Variants in SUGP2 observed in about 807,000 individuals in gnomAD.
SUGP2 encodes SURP and G-patch domain containing 2.
SUGP2 carries 24 observed loss-of-function variants against 90.5 expected under a neutral mutation model. The observed-to-expected ratio is 0.27, with a 90% CI of 0.19 to 0.37. SUGP2 has a LOEUF of 0.37. Ranked by LOEUF, SUGP2 falls within the 10% of genes least tolerant of loss-of-function variation. The pLI is 1.00. For synonymous variants in SUGP2, 473 were observed against 513.4 expected (o/e 0.92, Z 1.06); for missense variants, 1,233 against 1,363.3 (o/e 0.90, Z 1.51).
Position 19,002,647 on chromosome 19 carries a change from G to A in SUGP2, c.2930-973C>T, listed in dbSNP as rs547752108. On this transcript the variant is annotated intron_variant, in intron 7 of 10. Transcript: ENST00000452918. ...TCCAGCCTCAGCCTCCCGAGTAGCT[G>A]GGATTTCAGGAATGCGTCACCACGC... Among the ~76,000 whole-genome samples, 13 of 151,344 alleles carry A rather than the reference G, an allele frequency of 8.6e-5. No individual in the cohort carries two copies. In the East Asian group the frequency reaches 2.0e-3, roughly 23 times the overall value.
upstream of SUGP2, chr19:19,033,587 G>A: frequency 8.4e-7 from 1 of 1,191,406 alleles, no homozygotes; most frequent in Non-Finnish European, 1.0e-6. Flanking sequence ...GTCCTGGTGC[G>A]CAGGCGCGGG....
chr19:19,011,288 C>T lies in SUGP2; in HGVS notation c.1851-946G>A, dbSNP rs2058302984. Among the ~76,000 whole-genome samples the T allele has an allele frequency of 2.6e-5, 4 of 151,764 alleles. No individual in the cohort carries two copies. In the South Asian group the frequency reaches 8.3e-4, roughly 32 times the overall value. On this transcript the variant is annotated intron_variant, in intron 4 of 10. Coordinates refer to ENST00000452918, the MANE Select transcript of SUGP2 (RefSeq NM_001017392.5). ...TCAGCCTCCCCAGTAGCTGGGACTACAGGCGCGCACCACCACGCCTGGCTA... is the reference window on the plus strand; with the variant it reads ...TCAGCCTCCCCAGTAGCTGGGACTATAGGCGCGCACCACCACGCCTGGCTA...
rs1280835614 is a variant in SUGP2, at chr19:18,995,351, A to AT, written c.2992-72dup. ...CTGGATCAAGGGTCTGTCCTAGGCTATGCCTGGAGCCCCTCACCCCCAAAT... is the reference window on the plus strand; with the variant it reads ...CTGGATCAAGGGTCTGTCCTAGGCTATTGCCTGGAGCCCCTCACCCCCAAAT... On this transcript the variant is annotated intron_variant, in intron 8 of 10. Transcript: ENST00000452918. 6.1e-6 allele frequency: 9 copies of AT among 1,465,584 alleles called. No homozygotes were observed. The African/African-American group carries it at 1.3e-4, about 21-fold the overall frequency. The allele number at this position is 1,465,584 out of a possible 1,614,324, so 90.8% of individuals were successfully genotyped here. A position where few individuals can be genotyped will look rare whatever the true frequency, so the allele number is the denominator to read the frequency against.
At position 19,004,550 on chromosome 19, in the gene SUGP2, G is replaced by C; in HGVS notation, c.2547C>G (p.Asn849Lys). ...PSICFTSSPH[N>K]LHTGGGDTTG... ...TGGTGTCACCACCACCAGTGTGAAG[G>C]TTGTGCGGAGATGACGTGAAACAAA... The change falls in exon 7 of 11, where the codon AAC (asparagine) becomes AAG (lysine). Residue 849 changes from asparagine to lysine, a missense_variant. Asn to Lys is a moderately conservative substitution (Grantham distance 94, BLOSUM62 0). Transcript: ENST00000452918. 6.2e-7 allele frequency: 1 copy of C among 1,614,248 alleles called. No homozygotes were observed. The highest frequency in any genetic ancestry group is 8.5e-7 in the Non-Finnish European group (1 of 1,180,032).
At chr19:19,005,649 T>C (rs1447402271) in intron 6 of SUGP2, among the ~76,000 whole-genome samples, 1 of 151,984 alleles carries the variant, frequency 6.6e-6, no homozygotes, top group African/African-American at 2.4e-5. Context: ...AAGAATGGTA[T>C]TGGAAAAGCT....
chr19:19,002,380 C>T (rs1248512887), intron 7 of SUGP2, among the ~76,000 whole-genome samples: 1 of 112,476 alleles, frequency 8.9e-6, no homozygotes, highest in African/African-American at 3.4e-5. Context: ...GAGTCCATCT[C>T]AAAAAAAAAA....
chr19:19,031,177 G>A (rs1183668059), intron 1 of SUGP2, 95 bp from the exon 2 acceptor site: 1 of 1,357,510 alleles, frequency 7.4e-7, no homozygotes, highest in Non-Finnish European at 1.0e-6. Context: ...GGAGGTCGAG[G>A]TGGGCGGATC....
intron 2 of SUGP2, among the ~76,000 whole-genome samples, chr19:19,028,613 C>T (rs976423413): frequency 5.9e-5 from 9 of 152,182 alleles, no homozygotes; most frequent in African/African-American, 1.7e-4. Context: ...AAAGGCTAAA[C>T]GATAGACTGC....
rs756670222 is a variant in SUGP2 at position 19,024,998 on chromosome 19, G to A, written c.1350C>T (p.Tyr450=). The change falls in exon 3 of 11, where the codon TAC becomes TAT. Residue 450 remains tyrosine, a synonymous_variant. Transcript: ENST00000452918. ...VTPLLMACNA[Y]ELSVKMKTLS... is the part of the protein sequence containing the mutation. ...GGGTCTTCATCTTGACACTTAGCTC[G>A]TAGGCATTGCAGGCCATAAGCAAAG... The A allele has an allele frequency of 1.4e-5, 23 of 1,614,060 alleles. No homozygotes were observed. Among genetic ancestry groups the A allele is most frequent in the South Asian group, 5.5e-5 (5 of 91,086 alleles).
At position 19,025,965 on chromosome 19, in the gene SUGP2, A is replaced by C. The variant is rs763182894; in HGVS notation, c.383T>G (p.Leu128Trp). 6.2e-7 allele frequency: 1 copy of C among 1,614,144 alleles called. No individual in the cohort carries two copies. Among genetic ancestry groups the C allele is most frequent in the Non-Finnish European group, 8.5e-7 (1 of 1,180,036 alleles). The change falls in exon 3 of 11, where the codon TTG becomes TGG. Residue 128 changes from leucine to tryptophan, a missense_variant. This residue lies in a region of SUGP2 where 418 missense variants were observed against 399.9 expected (regional missense o/e 1.05). Transcript: ENST00000452918. ...SRDQVIGHRK[L>W]GHFRSQDWKF... Reference sequence around the variant, plus strand: ...CCAGTCCTGAGAACGGAAATGCCCCAATTTCCGGTGGCCAATGACCTGGTC... The same window carrying C: ...CCAGTCCTGAGAACGGAAATGCCCCCATTTCCGGTGGCCAATGACCTGGTC...
In SUGP2 at chr19:19,033,463, CCCCGCCGCCGCCTCAGGCTCCTCA is replaced by C. The variant is rs1233002241; in HGVS notation, c.-62_-39del. The stretch of plus-strand genomic sequence containing the variant: ...CCGAGACCACCGCGCGCGGAGCCAC[CCCCGCCGCCGCCTCAGGCTCCTCA>C]CCCGCCGCCGCCGCCGCGCGAGGCG... On this transcript the variant is annotated 5_prime_UTR_variant, in exon 1 of 11. Coordinates refer to ENST00000452918, the MANE Select transcript of SUGP2 (RefSeq NM_001017392.5). 1.0e-5 allele frequency: 14 copies of C among 1,402,196 alleles called. No individual in the cohort carries two copies. Among genetic ancestry groups the C allele is most frequent in the African/African-American group, 1.5e-5 (1 of 65,350 alleles). 86.9% of individuals were successfully genotyped at this position (1,402,196 alleles called of 1,614,324 possible). A position where few individuals can be genotyped will look rare whatever the true frequency, so the allele number is the denominator to read the frequency against.
intron 10 of SUGP2, 84 bp downstream of exon 10, chr19:18,994,282 C>T (rs1345815014): frequency 3.6e-5 from 56 of 1,545,670 alleles, no homozygotes; most frequent in Non-Finnish European, 2.6e-6. Context: ...GAGCAGGGAA[C>T]ATCAACTTTG....
chr19:19,025,630 C>A lies in SUGP2; in HGVS notation c.718G>T (p.Gly240Cys), dbSNP rs1384722822. ...CTCAATGTGACAAGTTTCCCAACAC[C>A]CCCCTTAGCTGTGAGCAGGCCCTGA... ...ETQGLLTAKGGVGKLVTLRNV... is the reference protein window; with the variant it reads ...ETQGLLTAKGCVGKLVTLRNV... The change falls in exon 3 of 11, where the codon GGT becomes TGT. Residue 240 changes from glycine to cysteine, a missense_variant. Gly to Cys is a radical substitution (Grantham distance 159, BLOSUM62 -3). Transcript: ENST00000452918. 6.2e-7 allele frequency: 1 copy of A among 1,613,828 alleles called. No individual in the cohort carries two copies. The highest frequency in any genetic ancestry group is 8.5e-7 in the Non-Finnish European group (1 of 1,180,014).
intron 3 of SUGP2, among the ~76,000 whole-genome samples, chr19:19,021,568 C>A (rs1191510857): frequency 6.6e-6 from 1 of 152,036 alleles, no homozygotes; most frequent in Admixed American, 6.6e-5. Context: ...ACAGCTTTGG[C>A]CCAGCAATCC....
rs751179710 is a variant in SUGP2, at chr19:19,005,971, C to A, written c.2451-1325G>T. Among the ~76,000 whole-genome samples, 56 of 152,024 alleles carry A rather than the reference C, an allele frequency of 3.7e-4. 1 individual carries two copies. The Middle Eastern group carries it at 0.027, about 74-fold the overall frequency. On this transcript the variant is annotated intron_variant, in intron 6 of 10. Coordinates refer to ENST00000452918, the MANE Select transcript of SUGP2 (RefSeq NM_001017392.5). ...TCTGGGCCGGGCATGGTGGCTCATG[C>A]CTCCCAGCACATTTTGGGAGGCTGA...
intron 6 of SUGP2, 49 bp downstream of exon 6, chr19:19,008,268 G>C (rs778914328): frequency 3.5e-6 from 5 of 1,430,560 alleles, no homozygotes; most frequent in South Asian, 1.1e-5. Flanking sequence ...CTTAGACTTT[G>C]TCTCTCTGAG....
In SUGP2 at chr19:19,009,878, G is replaced by A. The variant is rs1443597630; in HGVS notation, c.2315C>T (p.Ser772Phe). 2 of 1,610,192 alleles carry A rather than the reference G, an allele frequency of 1.2e-6. No individual in the cohort carries two copies. The highest frequency in any genetic ancestry group is 1.1e-5 in the South Asian group (1 of 90,936). ...ACTGTCAGCAGATGGGCAGGGAGAA[G>A]AGGTCTGAGGTGCTTCAGAGATGTC... ...GVDISEAPQT[S>F]SPCPSADIDM... The change falls in exon 5 of 11, where the codon TCT becomes TTT. Residue 772 changes from serine (S) to phenylalanine (F), a missense_variant. Ser to Phe is a radical substitution (Grantham distance 155, BLOSUM62 -2). Coordinates refer to ENST00000452918, the MANE Select transcript of SUGP2 (RefSeq NM_001017392.5).
rs367979287 is a variant in SUGP2, at chr19:19,025,175, A to C, written c.1173T>G (p.Ser391=). The C allele has an allele frequency of 2.5e-4, 407 of 1,612,634 alleles. No individual in the cohort carries two copies. The highest frequency in any genetic ancestry group is 1.3e-3 in the Middle Eastern group (8 of 6,060). ...TATCAACTCTGGGTGTTTTCAAAGCAGAGTGCTTTAAAAATTTGATAGTAA... is the reference window on the plus strand; with the variant it reads ...TATCAACTCTGGGTGTTTTCAAAGCCGAGTGCTTTAAAAATTTGATAGTAA... ...CFFTIKFLKH[S]ALKTPRVDNE... is the part of the protein sequence containing the mutation. The change falls in exon 3 of 11, where the codon TCT becomes TCG. Residue 391 remains serine, a synonymous_variant. Transcript: ENST00000452918.
intron 9 of SUGP2, chr19:18,994,692 AG>A (rs1481888065): frequency 3.0e-6 from 2 of 657,438 alleles, no homozygotes; most frequent in African/African-American, 3.6e-5. Context: ...GGGTGCCCAG[AG>A]GGCCCTGGTT....
Sources: allele counts gnomAD v4.1 joint callset (sites outside exome capture counted in the v4.1 genomes callset), GRCh38; gene constraint gnomAD v4.1.1; regional missense constraint gnomAD v4.1.1; transcripts MANE v1.5; gene names NCBI Gene and HGNC (gene_info 2026-07-23, HGNC 2026-07-21).